The following FHIT variants were observed in gnomAD, a reference collection of about 807,000 sequenced individuals.
The protein encoded by FHIT is bis(5'-adenosyl)-triphosphatase.
A neutral mutation model predicts 17.9 loss-of-function variants in FHIT; 19 were observed. The ratio of observed to expected loss-of-function variants is 1.06; its 90% CI spans 0.74 to 1.56. The LOEUF is 1.56. FHIT is among the 40% of genes most tolerant of loss of function. The pLI is 0.00. For missense variants in FHIT, 248 were observed against 189.2 expected, an observed-to-expected ratio of 1.31 and a Z score of -1.82; for synonymous variants, 81 against 69.7, an observed-to-expected ratio of 1.16 and a Z score of -0.81.
intron 5 of FHIT, among the ~76,000 whole-genome samples, chr3:60,247,364 GAAGAAGA>G (rs199603301): frequency 0.017 from 2,619 of 151,680 alleles, 78 homozygotes; most frequent in African/African-American, 0.061. Flanking sequence ...GCATCAGAAA[GAAGAAGA>G]AAGAAGAAAG....
intron 4 of FHIT, among the ~76,000 whole-genome samples, chr3:60,676,980 T>A (rs2040635139): frequency 6.6e-6 from 1 of 152,174 alleles, no homozygotes; most frequent in East Asian, 1.9e-4. Flanking sequence ...GTTCAAGGGA[T>A]CCTCTCACCT....
chr3:60,524,379 T>A (rs1437478597), intron 5 of FHIT, among the ~76,000 whole-genome samples: 2 of 152,068 alleles, frequency 1.3e-5, no homozygotes, highest in Non-Finnish European at 2.9e-5. Flanking sequence ...TCTGAAGGAG[T>A]TGAGTGAACA....
intron 1 of FHIT, among the ~76,000 whole-genome samples, chr3:61,202,333 C>T (rs896461424): frequency 1.3e-5 from 2 of 150,600 alleles, no homozygotes; most frequent in Non-Finnish European, 3.0e-5. Context: ...GCTCGGCAGC[C>T]GCCCTGTCTG....
intron 3 of FHIT, among the ~76,000 whole-genome samples, chr3:60,966,746 G>T (rs6414610): frequency 0.9 from 137,142 of 152,272 alleles, 61,842 homozygotes; most frequent in East Asian, 1. Flanking sequence ...ATTGTAGCAA[G>T]GATGATAATT....
At chr3:60,074,600 G>A (rs1297570903) in intron 5 of FHIT, among the ~76,000 whole-genome samples, 1 of 151,680 alleles carries the variant, frequency 6.6e-6, no homozygotes, top group Non-Finnish European at 1.5e-5. Context: ...ATGGACTAGA[G>A]ACACATTATC....
At chr3:61,225,245 C>G (rs2106844359) in intron 1 of FHIT, among the ~76,000 whole-genome samples, 1 of 152,282 alleles carries the variant, frequency 6.6e-6, no homozygotes, top group East Asian at 1.9e-4. Flanking sequence ...TTTGAAAAAT[C>G]AATTTTTATG....
chr3:60,025,961 T>C (rs1030667823), intron 5 of FHIT, among the ~76,000 whole-genome samples: 2 of 152,162 alleles, frequency 1.3e-5, no homozygotes, highest in Admixed American at 1.3e-4. Flanking sequence ...TTTTTCAAGA[T>C]AGTGATTTGT....
chr3:60,014,692 G>A (rs571460124), intron 5 of FHIT, among the ~76,000 whole-genome samples: 5 of 152,164 alleles, frequency 3.3e-5, no homozygotes, highest in Non-Finnish European at 7.3e-5. Context: ...AAAATGTACA[G>A]TGAACTTTAT....
chr3:60,187,251 A>G (rs1443637882), intron 5 of FHIT, among the ~76,000 whole-genome samples: 4 of 152,190 alleles, frequency 2.6e-5, no homozygotes, highest in South Asian at 2.1e-4. Flanking sequence ...CAATCAACAC[A>G]TCACAAGCCT....
intron 1 of FHIT, among the ~76,000 whole-genome samples, chr3:61,237,883 T>C (rs2040271629): frequency 6.6e-6 from 1 of 152,202 alleles, no homozygotes; most frequent in African/African-American, 2.4e-5. Flanking sequence ...CTCTTATTTA[T>C]AATTCCTCTC....
chr3:60,861,537 C>T (rs549220054), intron 3 of FHIT, among the ~76,000 whole-genome samples: 8 of 151,770 alleles, frequency 5.3e-5, no homozygotes, highest in Admixed American at 2.0e-4. Flanking sequence ...GCAAAATCGC[C>T]TCCGATTGAG....
chr3:60,964,122 G>A (rs1004333153), intron 3 of FHIT, among the ~76,000 whole-genome samples: 1 of 152,116 alleles, frequency 6.6e-6, no homozygotes, highest in Non-Finnish European at 1.5e-5. Context: ...CTCCTGTATT[G>A]GGTGCATATA....
intron 3 of FHIT, among the ~76,000 whole-genome samples, chr3:60,891,408 T>C (rs1466622463): frequency 6.6e-6 from 1 of 152,104 alleles, no homozygotes; most frequent in Non-Finnish European, 1.5e-5. Flanking sequence ...GATCAAAACT[T>C]TGAACTCTCA....
chr3:60,817,272 C>T (rs1195227383), intron 4 of FHIT, among the ~76,000 whole-genome samples: 2 of 151,954 alleles, frequency 1.3e-5, no homozygotes, highest in African/African-American at 4.8e-5. Flanking sequence ...AGTTAAAGAT[C>T]TTATCATGAA....
chr3:60,120,769 G>C (rs935611888), intron 5 of FHIT, among the ~76,000 whole-genome samples: 2 of 152,150 alleles, frequency 1.3e-5, no homozygotes, highest in African/African-American at 4.8e-5. Context: ...GGATCCTAAA[G>C]ATGGTCCTGG....
In FHIT at chr3:59,786,390, C is replaced by A. The variant is rs9838029; in HGVS notation, c.349-34069G>T. On this transcript the variant is annotated intron_variant, in intron 8 of 9. Coordinates refer to ENST00000492590, the MANE Select transcript of FHIT (RefSeq NM_002012.4). ...CTTTCTACCTGGAGCTTTACCTTTA[C>A]AAATTTGTAGCACTTGAAGGTATGT... 5.0e-3 allele frequency among the ~76,000 whole-genome samples: 769 copies of A among 152,296 alleles called. 8 individuals are homozygous for A. Among genetic ancestry groups the A allele is most frequent in the African/African-American group, 0.018 (729 of 41,570 alleles).
chr3:59,965,359 T>G (rs997418025), intron 7 of FHIT, among the ~76,000 whole-genome samples: 1 of 152,160 alleles, frequency 6.6e-6, no homozygotes, highest in Non-Finnish European at 1.5e-5. Flanking sequence ...TCTAATTATA[T>G]ACTAAATCTC....
intron 2 of FHIT, among the ~76,000 whole-genome samples, chr3:61,097,009 G>T (rs2035660365): frequency 6.6e-6 from 1 of 151,238 alleles, no homozygotes; most frequent in South Asian, 2.1e-4. Flanking sequence ...AACCTGGGAG[G>T]GGGAGGCTGC....
chr3:60,340,617 C>T (rs17062799), intron 5 of FHIT, among the ~76,000 whole-genome samples: 9,988 of 152,238 alleles, frequency 0.066, 1,004 homozygotes, highest in African/African-American at 0.22. Flanking sequence ...ATATGCAAGA[C>T]GATGGGCTGC....
Sources: gnomAD v4.1 joint callset for allele counts (sites outside exome capture counted in the v4.1 genomes callset) on GRCh38, gnomAD v4.1.1 for gene constraint, MANE v1.5 for transcripts, NCBI Gene and HGNC (gene_info 2026-07-23, HGNC 2026-07-21) for gene names.